Variants in WWP2 observed in about 807,000 individuals in gnomAD.
The protein encoded by WWP2 is WW domain containing E3 ubiquitin protein ligase 2.
WWP2 carries 57 observed loss-of-function variants against 121.0 expected under a neutral mutation model. The observed-to-expected ratio is 0.47, with a 90% CI of 0.38 to 0.59. The LOEUF is 0.59. Among genes scored for constraint, WWP2 ranks in the 20% least tolerant of loss-of-function variants. The pLI, the probability that WWP2 is intolerant of heterozygous loss-of-function variation, is 0.00. For missense variants in WWP2, 962 were observed against 1,158.9 expected (o/e 0.83, Z 2.47); for synonymous variants, 449 against 441.3 (o/e 1.02, Z -0.22).
intron 8 of WWP2, among the ~76,000 whole-genome samples, chr16:69,905,447 G>A (rs1331237043): frequency 6.6e-6 from 1 of 152,146 alleles, no homozygotes; most frequent in Non-Finnish European, 1.5e-5. Context: ...CAGGTTGAGT[G>A]TTCCTGTTCT....
rs145093867 is a variant in WWP2, at chr16:69,857,019, C to G, written c.576-14785C>G. Among the ~76,000 whole-genome samples the G allele has an allele frequency of 7.0e-3, 1,061 of 152,190 alleles. 8 individuals carry two copies. The highest frequency in any genetic ancestry group is 0.024 in the African/African-American group (1,000 of 41,514). ...CAGTTCATTTATGTTTCTCGTGATT[C>G]TTGATATCTTTAGAGTTGTTTTCTT... is the stretch of plus-strand genomic sequence containing the variant. On this transcript the variant is annotated intron_variant, in intron 6 of 23. Transcript: ENST00000359154.
intron 4 of WWP2, among the ~76,000 whole-genome samples, chr16:69,818,713 G>A (rs1244509914): frequency 6.6e-6 from 1 of 152,002 alleles, no homozygotes; most frequent in Non-Finnish European, 1.5e-5. Context: ...ACAATCTGTG[G>A]GTTTTCTGTC....
chr16:69,894,258 T>G (rs1477425927), intron 8 of WWP2, among the ~76,000 whole-genome samples: 1 of 150,396 alleles, frequency 6.6e-6, no homozygotes, highest in African/African-American at 2.5e-5. Flanking sequence ...TTTTTTTTTT[T>G]TGGTAGAGAT....
chr16:69,903,766 C>CAAAAA (rs1270704481), intron 8 of WWP2, among the ~76,000 whole-genome samples: 3 of 86,366 alleles, frequency 3.5e-5, no homozygotes, highest in Admixed American at 1.3e-4. Context: ...GAATCTGTCT[C>CAAAAA]AAAAAAAAAA....
At chr16:69,823,314 C>T (rs1261428968) in intron 4 of WWP2, among the ~76,000 whole-genome samples, 1 of 152,126 alleles carries the variant, frequency 6.6e-6, no homozygotes, top group Non-Finnish European at 1.5e-5. Flanking sequence ...TTAATCCATA[C>T]CAGCCACCTT....
In WWP2 at chr16:69,940,545, C is replaced by A. The variant is rs3748388; in HGVS notation, c.*605C>A. 122,587 of 152,538 alleles carry A rather than the reference C, an allele frequency of 0.8. 49,777 individuals carry two copies. Among genetic ancestry groups the A allele is most frequent in the East Asian group, 0.96 (4,983 of 5,178 alleles). 9.4% of individuals were successfully genotyped at this position (152,538 alleles called of 1,614,324 possible). A position where few individuals can be genotyped will look rare whatever the true frequency, so the allele number is the denominator to read the frequency against. Reference sequence around the variant, plus strand: ...GCCGGCCAGTTAATTCATTCTCAGCCAATGAAGGTTTGTCTAAGCTGCCTG... The same window carrying A: ...GCCGGCCAGTTAATTCATTCTCAGCAAATGAAGGTTTGTCTAAGCTGCCTG... On this transcript the variant is annotated 3_prime_UTR_variant, in exon 24 of 24. Coordinates refer to ENST00000359154, the MANE Select transcript of WWP2 (RefSeq NM_001270454.2).
At chr16:69,849,858 T>TATTA (rs10628008) in intron 6 of WWP2, among the ~76,000 whole-genome samples, 103,715 of 151,738 alleles carry the variant, frequency 0.68, 37,184 homozygotes, top group African/African-American at 0.9. Flanking sequence ...TACATTGGTT[T>TATTA]ATTTTGCATC....
chr16:69,790,921 C>T (rs1006278444), intron 2 of WWP2, among the ~76,000 whole-genome samples: 1 of 152,126 alleles, frequency 6.6e-6, no homozygotes, highest in African/African-American at 2.4e-5. Flanking sequence ...ATTTCCTTTC[C>T]TATGGATTGC....
At chr16:69,781,936 G>T (rs1372168878) in intron 1 of WWP2, among the ~76,000 whole-genome samples, 1 of 152,030 alleles carries the variant, frequency 6.6e-6, no homozygotes, top group Non-Finnish European at 1.5e-5. Context: ...ACATCAATCT[G>T]CCCTCATGAT....
chr16:69,805,612 A>G (rs2056259288), intron 4 of WWP2, among the ~76,000 whole-genome samples: 1 of 150,578 alleles, frequency 6.6e-6, no homozygotes, highest in Non-Finnish European at 1.5e-5. Context: ...GTCAGGAAGG[A>G]TGTTGAGTTT....
chr16:69,925,223 G>T lies in WWP2; in HGVS notation c.1180-207G>T. On this transcript the variant is annotated intron_variant, in intron 10 of 23. Coordinates refer to ENST00000359154, the MANE Select transcript of WWP2 (RefSeq NM_001270454.2). The surrounding 1 kb of genome is among the most constrained non-coding windows in gnomAD (Gnocchi z 4.0). ...CTCACTTGGGCCCTCCGTGCGCAGG[G>T]TTCTTTTTTGGTTTTTCTGTAAAAA... The T allele has an allele frequency of 7.0e-7, 1 of 1,432,468 alleles. No individual in the cohort carries two copies. Among genetic ancestry groups the T allele is most frequent in the Non-Finnish European group, 9.1e-7 (1 of 1,094,418 alleles). The allele number at this position is 1,432,468 out of a possible 1,614,324, so 88.7% of individuals were successfully genotyped here.
chr16:69,776,692 G>C (rs535264988), intron 1 of WWP2, among the ~76,000 whole-genome samples: 7 of 152,270 alleles, frequency 4.6e-5, no homozygotes, highest in African/African-American at 1.4e-4. Context: ...GCTGGGCGTG[G>C]TGGTGCATGC....
intron 2 of WWP2, among the ~76,000 whole-genome samples, chr16:69,795,259 T>TAC (rs10578834): frequency 0.42 from 38,935 of 92,630 alleles, 5,275 homozygotes; most frequent in South Asian, 0.52. Flanking sequence ...AAAATGCGGA[T>TAC]ACACACACAC....
intron 12 of WWP2, 62 bp downstream of exon 12, chr16:69,929,591 G>A: frequency 1.3e-6 from 2 of 1,484,058 alleles, no homozygotes; most frequent in Non-Finnish European, 1.9e-6. Context: ...CTCCAGCACT[G>A]GGCAGGTGGC....
intron 19 of WWP2, 26 bp downstream of exon 19, chr16:69,936,478 G>A (rs367812375): frequency 3.1e-5 from 50 of 1,612,666 alleles, no homozygotes; most frequent in African/African-American, 4.0e-5. Flanking sequence ...CGGGGGCTCC[G>A]CTCCAGGGGT....
chr16:69,807,619 C>CAAAAAAAAAAAAAAA (rs530408058), intron 4 of WWP2, among the ~76,000 whole-genome samples: 1 of 46,900 alleles, frequency 2.1e-5, no homozygotes, highest in African/African-American at 7.4e-5. Context: ...ACCCTTTCTC[C>CAAAAAAAAAAAAAAA]AAAAAAAAAA....
chr16:69,797,882 C>G (rs951029533), intron 2 of WWP2, among the ~76,000 whole-genome samples: 1 of 142,884 alleles, frequency 7.0e-6, no homozygotes, highest in African/African-American at 2.7e-5. Flanking sequence ...GAGCCAAACT[C>G]TATCTCAGAA....
intron 16 of WWP2, chr16:69,932,931 C>T (rs571170757): frequency 6.9e-6 from 3 of 436,878 alleles, no homozygotes; most frequent in Middle Eastern, 6.8e-4. Context: ...CATGTCTTCC[C>T]GCTTGGTGTT....
chr16:69,914,625 T>C (rs1466736303), intron 9 of WWP2, among the ~76,000 whole-genome samples: 1 of 151,930 alleles, frequency 6.6e-6, no homozygotes, highest in African/African-American at 2.4e-5. Flanking sequence ...CGCATGGTGG[T>C]GCGTGCCTGT....
Sources: allele counts gnomAD v4.1 joint callset (sites outside exome capture counted in the v4.1 genomes callset), GRCh38; gene constraint gnomAD v4.1.1; non-coding constraint Gnocchi (gnomAD v3.1); transcripts MANE v1.5; gene names NCBI Gene and HGNC (gene_info 2026-07-23, HGNC 2026-07-21).